The following SEZ6L variants were observed in gnomAD, a reference collection of about 807,000 sequenced individuals.
The protein encoded by SEZ6L is seizure related 6 homolog like.
Under a neutral mutation model 106.2 loss-of-function variants are expected in SEZ6L, and 37 were observed. The observed-to-expected ratio is 0.35, with a 90% CI of 0.27 to 0.46. The LOEUF (loss-of-function observed/expected upper bound fraction) is 0.46. Ranked by LOEUF, SEZ6L falls within the 20% of genes least tolerant of loss-of-function variation. SEZ6L has a pLI of 1.00. For synonymous variants in SEZ6L, 541 were observed against 570.4 expected (o/e 0.95, Z 0.73); for missense variants, 1,172 against 1,332.8 (o/e 0.88, Z 1.88).
At chr22:26,378,135 T>C (rs917581245) in intron 16 of SEZ6L, among the ~76,000 whole-genome samples, 2 of 152,204 alleles carry the variant, frequency 1.3e-5, no homozygotes, top group Admixed American at 1.3e-4. Context: ...GAAACATCCC[T>C]ACACATTTGA....
At chr22:26,188,721 G>A (rs951594077) in intron 1 of SEZ6L, among the ~76,000 whole-genome samples, 1 of 152,164 alleles carries the variant, frequency 6.6e-6, no homozygotes, top group Non-Finnish European at 1.5e-5. Context: ...TGCAACGAAG[G>A]ATGTGCAGTT....
intron 5 of SEZ6L, among the ~76,000 whole-genome samples, chr22:26,302,434 G>A (rs2081485681): frequency 6.6e-6 from 1 of 152,194 alleles, no homozygotes. Flanking sequence ...AGTCCTGATG[G>A]TGGTTGAGAG....
chr22:26,269,337 G>A (rs796912678), intron 1 of SEZ6L, among the ~76,000 whole-genome samples: 12 of 152,274 alleles, frequency 7.9e-5, no homozygotes, highest in African/African-American at 2.2e-4. Context: ...TCTTTTACGC[G>A]TGTAGGAGAA....
intron 12 of SEZ6L, among the ~76,000 whole-genome samples, chr22:26,357,964 G>T (rs891481346): frequency 6.6e-6 from 1 of 152,100 alleles, no homozygotes; most frequent in Non-Finnish European, 1.5e-5. Context: ...GCGATTCCCC[G>T]GGAGGCCCTG....
intron 6 of SEZ6L, 60 bp downstream of exon 6, chr22:26,306,204 T>C (rs1015922431): frequency 6.4e-7 from 1 of 1,573,948 alleles, no homozygotes; most frequent in Non-Finnish European, 8.6e-7. Flanking sequence ...GAACATGGCT[T>C]GAGGACTTGG....
chr22:26,192,670 C>T (rs1202397497), intron 1 of SEZ6L, among the ~76,000 whole-genome samples: 1 of 152,196 alleles, frequency 6.6e-6, no homozygotes, highest in Non-Finnish European at 1.5e-5. Flanking sequence ...TTACTTTCAG[C>T]TCTCAGGCAT....
In SEZ6L at chr22:26,367,381, T is replaced by C. The variant is rs112049832; in HGVS notation, c.2794+1815T>C. 9.8e-4 allele frequency among the ~76,000 whole-genome samples: 149 copies of C among 152,256 alleles called. 2 individuals are homozygous for C. The highest frequency in any genetic ancestry group is 3.4e-3 in the African/African-American group (143 of 41,562). On this transcript the variant is annotated intron_variant, in intron 13 of 16. Transcript: ENST00000248933. ...TGTTTGGAGACAGGGTCTTACTCTGTTGCACAGGCTGGAATGCAGTGGCGT... is the reference window on the plus strand; with the variant it reads ...TGTTTGGAGACAGGGTCTTACTCTGCTGCACAGGCTGGAATGCAGTGGCGT...
intron 1 of SEZ6L, among the ~76,000 whole-genome samples, chr22:26,213,304 T>A (rs2078211545): frequency 6.8e-6 from 1 of 147,332 alleles, no homozygotes; most frequent in South Asian, 2.2e-4. Flanking sequence ...GGAAGTGAAT[T>A]CAGCTTCTGG....
intron 1 of SEZ6L, among the ~76,000 whole-genome samples, chr22:26,201,321 G>C (rs1940927629): frequency 7.2e-6 from 1 of 139,044 alleles, no homozygotes; most frequent in South Asian, 2.3e-4. Context: ...AGGAGTTCAA[G>C]ACCAGCCTGA....
chr22:26,228,277 A>G (rs936101941), intron 1 of SEZ6L, among the ~76,000 whole-genome samples: 6 of 152,194 alleles, frequency 3.9e-5, no homozygotes, highest in Non-Finnish European at 8.8e-5. Flanking sequence ...AAAAAATGAG[A>G]GTCTGGGTCG....
intron 14 of SEZ6L, among the ~76,000 whole-genome samples, chr22:26,373,838 T>C (rs2084125703): frequency 6.6e-6 from 1 of 152,220 alleles, no homozygotes; most frequent in Non-Finnish European, 1.5e-5. Context: ...TCACCTTCCA[T>C]GCTGAGAGTC....
At chr22:26,370,624 G>C in intron 13 of SEZ6L, among the ~76,000 whole-genome samples, 1 of 151,526 alleles carries the variant, frequency 6.6e-6, no homozygotes. Flanking sequence ...AATTTCCAGT[G>C]TCACACCTTT....
chr22:26,380,617 A>ATGTTAGCAT lies in SEZ6L; in HGVS notation c.*324_*325insTTAGCATTG. ...TGGAGTTTCTCCCATCAGCAATGCCATGCTAAGGCTGCATTGAATTGCATG... is the reference window on the plus strand; with the variant it reads ...TGGAGTTTCTCCCATCAGCAATGCCATGTTAGCATTGCTAAGGCTGCATTGAATTGCATG... On this transcript the variant is annotated 3_prime_UTR_variant, in exon 17 of 17. Transcript: ENST00000248933. 1 of 290,880 alleles carries ATGTTAGCAT rather than the reference A, an allele frequency of 3.4e-6. No individual in the cohort carries two copies. The allele number at this position is 290,880 out of a possible 1,614,324, so 18.0% of individuals were successfully genotyped here.
intron 12 of SEZ6L, among the ~76,000 whole-genome samples, chr22:26,359,849 T>A (rs1468502841): frequency 6.6e-6 from 1 of 152,098 alleles, no homozygotes; most frequent in Non-Finnish European, 1.5e-5. Flanking sequence ...AATATCTGTG[T>A]CTTAGGGTTG....
chr22:26,280,697 G>C (rs764787550), intron 1 of SEZ6L, among the ~76,000 whole-genome samples: 1 of 152,092 alleles, frequency 6.6e-6, no homozygotes, highest in Non-Finnish European at 1.5e-5. Flanking sequence ...CACCTCCCCT[G>C]AATCTATATT....
chr22:26,208,745 T>A (rs1351602872), intron 1 of SEZ6L, among the ~76,000 whole-genome samples: 1 of 152,168 alleles, frequency 6.6e-6, no homozygotes, highest in African/African-American at 2.4e-5. Flanking sequence ...ACTCCTTGAT[T>A]CTGTAAATGT....
intron 1 of SEZ6L, among the ~76,000 whole-genome samples, chr22:26,221,118 G>A (rs536276349): frequency 9.2e-5 from 14 of 152,168 alleles, no homozygotes; most frequent in Middle Eastern, 3.4e-3. Context: ...AGTGAATGTC[G>A]AACAAATAAA....
intron 5 of SEZ6L, among the ~76,000 whole-genome samples, chr22:26,304,420 GAAAGA>G (rs2081569850): frequency 7.0e-6 from 1 of 142,932 alleles, no homozygotes; most frequent in Admixed American, 7.0e-5. Flanking sequence ...AAGAAAGAAA[GAAAGA>G]AAGAAAAAGA....
At position 26,347,621 on chromosome 22, in the gene SEZ6L, C is replaced by CT. The variant is rs529855142; in HGVS notation, c.2213-90dup. ...GAAGCGTGTTGCTCATTTCTAGAGG[C>CT]TTTTTTTTCTCTTCGCTCATCCCTC... On this transcript the variant is annotated intron_variant, in intron 10 of 16. Transcript: ENST00000248933. 1.0e-4 allele frequency: 105 copies of CT among 1,012,772 alleles called. 1 individual carries two copies. Among genetic ancestry groups the CT allele is most frequent in the South Asian group, 3.1e-4 (18 of 58,006 alleles). The allele number at this position is 1,012,772 out of a possible 1,614,324, so 62.7% of individuals were successfully genotyped here. A position where few individuals can be genotyped will look rare whatever the true frequency, so the allele number is the denominator to read the frequency against.
Sources: gnomAD v4.1 joint callset for allele counts (sites outside exome capture counted in the v4.1 genomes callset) on GRCh38, gnomAD v4.1.1 for gene constraint, MANE v1.5 for transcripts, NCBI Gene and HGNC (gene_info 2026-07-23, HGNC 2026-07-21) for gene names.